The following PLEKHD1 variants were observed in gnomAD, a reference collection of about 807,000 sequenced individuals.
The protein encoded by PLEKHD1 is pleckstrin homology domain-containing family D member 1.
PLEKHD1 carries 51 observed loss-of-function variants against 69.2 expected under a neutral mutation model. That is an observed-to-expected ratio of 0.74 (90% CI 0.59 to 0.93). The LOEUF is 0.93. Among genes scored for constraint, PLEKHD1 ranks in the 40% least tolerant of loss-of-function variants. The pLI is 0.00. For synonymous variants in PLEKHD1, 236 were observed against 244.7 expected, an observed-to-expected ratio of 0.96 and a Z score of 0.33; for missense variants, 584 against 641.0, an observed-to-expected ratio of 0.91 and a Z score of 0.96.
intron 4 of PLEKHD1, chr14:69,501,508 G>A: frequency 2.2e-6 from 1 of 446,398 alleles, no homozygotes; most frequent in Non-Finnish European, 4.0e-6. Context: ...CCAGCCCCCA[G>A]TGGCCCACTT....
intron 1 of PLEKHD1, 51 bp downstream of exon 1, chr14:69,485,165 G>A: frequency 6.6e-7 from 1 of 1,526,636 alleles, no homozygotes; most frequent in Non-Finnish European, 8.8e-7. Flanking sequence ...GAGCCTGGGC[G>A]TCGTTACCCC....
chr14:69,505,031 G>A (rs1009809591), intron 6 of PLEKHD1, among the ~76,000 whole-genome samples: 3 of 152,240 alleles, frequency 2.0e-5, no homozygotes, highest in African/African-American at 7.2e-5. Context: ...GGAAAATTTA[G>A]ACACTCTATC....
intron 6 of PLEKHD1, among the ~76,000 whole-genome samples, chr14:69,517,498 C>T (rs760570557): frequency 6.6e-6 from 1 of 151,994 alleles, no homozygotes; most frequent in Non-Finnish European, 1.5e-5. Context: ...GTCTAGATTG[C>T]CTTGGATCTA....
intron 6 of PLEKHD1, among the ~76,000 whole-genome samples, chr14:69,515,705 G>T (rs888361400): frequency 6.6e-6 from 1 of 152,128 alleles, no homozygotes; most frequent in Non-Finnish European, 1.5e-5. Context: ...GAGCATGGGC[G>T]CGGGGAAGTG....
intron 9 of PLEKHD1, 70 bp downstream of exon 9, chr14:69,526,192 C>A: frequency 6.9e-7 from 1 of 1,448,370 alleles, no homozygotes; most frequent in South Asian, 1.4e-5. Context: ...AACTGGACAT[C>A]CAGACTCTTG....
intron 6 of PLEKHD1, among the ~76,000 whole-genome samples, chr14:69,511,116 T>G (rs1883260866): frequency 6.6e-6 from 1 of 152,188 alleles, no homozygotes; most frequent in African/African-American, 2.4e-5. Context: ...GATGTATTAT[T>G]CGTTTGGATT....
At chr14:69,504,182 T>G (rs1047141209) in intron 6 of PLEKHD1, among the ~76,000 whole-genome samples, 1 of 152,228 alleles carries the variant, frequency 6.6e-6, no homozygotes, top group African/African-American at 2.4e-5. Flanking sequence ...ATATCTGTGT[T>G]TGTTAGCATT....
chr14:69,479,150 A>G, the PLEKHD1 span, among the ~76,000 whole-genome samples: 1 of 151,320 alleles, frequency 6.6e-6, no homozygotes, highest in Admixed American at 6.6e-5. Context: ...GTGCAGGGAA[A>G]CTCCCCTTTT....
Position 69,519,474 on chromosome 14 carries a change from G to T in PLEKHD1, c.556-2809G>T, listed in dbSNP as rs138007373. On this transcript the variant is annotated intron_variant, in intron 6 of 12. Transcript: ENST00000322564. ...TTTCACAGAGCAATAAATGCTGTGC[G>T]GGCACATGTAGTACAGACTCAGGTA... Among the ~76,000 whole-genome samples the T allele has an allele frequency of 1.9e-3, 289 of 152,200 alleles. 1 individual carries two copies. The highest frequency in any genetic ancestry group is 6.7e-3 in the African/African-American group (279 of 41,514).
intron 1 of PLEKHD1, among the ~76,000 whole-genome samples, chr14:69,487,257 C>T (rs964774272): frequency 6.6e-6 from 1 of 150,570 alleles, no homozygotes. Flanking sequence ...ACAGAGCCAG[C>T]CAGAGAGGGC....
At chr14:69,523,874 A>G (rs1016726448) in intron 7 of PLEKHD1, among the ~76,000 whole-genome samples, 1 of 152,176 alleles carries the variant, frequency 6.6e-6, no homozygotes, top group African/African-American at 2.4e-5. Context: ...GCCATGTTCT[A>G]TGTCAGAATG....
rs199671230 is a variant in PLEKHD1, at chr14:69,487,182, AACACACAC to A, written c.149+2103_149+2110del. Among the ~76,000 whole-genome samples, 616 of 140,446 alleles carry A rather than the reference AACACACAC, an allele frequency of 4.4e-3. 5 individuals are homozygous for A. The highest frequency in any genetic ancestry group is 0.015 in the African/African-American group (560 of 37,288). The allele number at this position is 140,446 out of a possible 152,430, so 92.1% of individuals were successfully genotyped here. On this transcript the variant is annotated intron_variant, in intron 1 of 12. Coordinates refer to ENST00000322564, the MANE Select transcript of PLEKHD1 (RefSeq NM_001161498.2). ...TGTGTTCTCAGTTCTGGGAATACACAACACACACACACACACACACACACACACACACA... is the reference window on the plus strand; with the variant it reads ...TGTGTTCTCAGTTCTGGGAATACACAACACACACACACACACACACACACA...
At position 69,501,611 on chromosome 14, in the gene PLEKHD1, C is replaced by G. The variant is rs1045929163; in HGVS notation, c.411-123C>G. The G allele has an allele frequency of 4.3e-6, 3 of 693,412 alleles. No homozygotes were observed. In the East Asian group the frequency reaches 8.9e-5, roughly 21 times the overall value. 43.0% of individuals were successfully genotyped at this position (693,412 alleles called of 1,614,324 possible). A position where few individuals can be genotyped will look rare whatever the true frequency, so the allele number is the denominator to read the frequency against. ...GCCAGAGTGAATGCAAGTTGAGATT[C>G]TGGAGGAGAAAGGGTGGGCGAGTAC... is the stretch of plus-strand genomic sequence containing the variant. On this transcript the variant is annotated intron_variant, in intron 4 of 12. Coordinates refer to ENST00000322564, the MANE Select transcript of PLEKHD1 (RefSeq NM_001161498.2).
chr14:69,472,375 A>G, the PLEKHD1 span, among the ~76,000 whole-genome samples: 1 of 152,108 alleles, frequency 6.6e-6, no homozygotes, highest in Non-Finnish European at 1.5e-5. Context: ...CCCCTCCTTC[A>G]ACTCTGGATG....
chr14:69,473,159 T>G, the PLEKHD1 span, among the ~76,000 whole-genome samples: 1 of 152,322 alleles, frequency 6.6e-6, no homozygotes, highest in East Asian at 1.9e-4. Flanking sequence ...GCACCATAAA[T>G]GTATTGCACT....
Position 69,528,581 on chromosome 14 carries a change from G to A in PLEKHD1, c.*162G>A, listed in dbSNP as rs1883719028. 1 of 971,670 alleles carries A rather than the reference G, an allele frequency of 1.0e-6. No homozygotes were observed. Among genetic ancestry groups the A allele is most frequent in the Non-Finnish European group, 1.5e-6 (1 of 676,476 alleles). The allele number at this position is 971,670 out of a possible 1,614,324, so 60.2% of individuals were successfully genotyped here. ...CTTGGGGGCCAGCCTTGCCCTCAAA[G>A]GACATGGACGCTGCCTTCCTCATCC... On this transcript the variant is annotated 3_prime_UTR_variant, in exon 13 of 13. Transcript: ENST00000322564.
chr14:69,475,404 G>C, the PLEKHD1 span, among the ~76,000 whole-genome samples: 1 of 152,224 alleles, frequency 6.6e-6, no homozygotes, highest in South Asian at 2.1e-4. Context: ...TGGGTACCAA[G>C]AGCTAATGTT....
At chr14:69,475,453 G>T in the PLEKHD1 span, among the ~76,000 whole-genome samples, 1 of 152,138 alleles carries the variant, frequency 6.6e-6, no homozygotes, top group African/African-American at 2.4e-5. Context: ...AGGGTGGCAT[G>T]GTTTTCCAGC....
At chr14:69,491,466 C>T (rs543386456) in intron 1 of PLEKHD1, among the ~76,000 whole-genome samples, 1 of 152,316 alleles carries the variant, frequency 6.6e-6, no homozygotes, top group African/African-American at 2.4e-5. Flanking sequence ...ATCACTCCTC[C>T]TCCCTATTGT....
Sources: allele counts gnomAD v4.1 joint callset (sites outside exome capture counted in the v4.1 genomes callset), GRCh38; gene constraint gnomAD v4.1.1; transcripts MANE v1.5; gene names NCBI Gene and HGNC (gene_info 2026-07-23, HGNC 2026-07-21).